The following MTAP variants were observed in gnomAD, a reference collection of about 807,000 sequenced individuals.
MTAP encodes the protein S-methyl-5'-thioadenosine phosphorylase.
In MTAP, 33 loss-of-function variants were observed where a neutral mutation model predicts 33.6. The observed-to-expected ratio is 0.98, with a 90% CI of 0.74 to 1.31. The LOEUF (loss-of-function observed/expected upper bound fraction) is 1.31. MTAP is among the 40% of genes most tolerant of loss of function. MTAP has a pLI of 0.00. For missense variants in MTAP, 367 were observed against 360.0 expected (o/e 1.02, Z -0.16); for synonymous variants, 148 against 125.7 (o/e 1.18, Z -1.19).
chr9:21,926,361 G>A (rs189820674), intron 1 of MTAP, among the ~76,000 whole-genome samples: 2,047 of 152,160 alleles, frequency 0.013, 51 homozygotes, highest in African/African-American at 0.047. Flanking sequence ...TGGAGCAATG[G>A]ACAATATAGG....
downstream of MTAP, among the ~76,000 whole-genome samples, chr9:21,871,972 T>C (rs1028727758): frequency 3.3e-5 from 5 of 152,166 alleles, no homozygotes; most frequent in African/African-American, 1.2e-4. Flanking sequence ...CTGAGGTAAT[T>C]CAGTAAAACC....
intron 1 of MTAP, among the ~76,000 whole-genome samples, chr9:21,909,315 G>A (rs144566077): frequency 3.3e-5 from 5 of 152,046 alleles, no homozygotes; most frequent in Non-Finnish European, 5.9e-5. Flanking sequence ...CCTTCCTGCC[G>A]TGAATAAGAC....
intron 1 of MTAP, among the ~76,000 whole-genome samples, chr9:21,814,651 G>C (rs1824432256): frequency 6.6e-6 from 1 of 152,012 alleles, no homozygotes; most frequent in Admixed American, 6.5e-5. Context: ...CTTTAACTCA[G>C]ACAAGGACTT....
At chr9:21,869,246 T>G (rs1026768591), downstream of MTAP, among the ~76,000 whole-genome samples, 1 of 152,160 alleles carries the variant, frequency 6.6e-6, no homozygotes, top group African/African-American at 2.4e-5. Flanking sequence ...TCCTTAGTCC[T>G]CTTCATTTCA....
At chr9:21,875,192 C>A (rs899388358) in intron 1 of MTAP, among the ~76,000 whole-genome samples, 6 of 152,082 alleles carry the variant, frequency 3.9e-5, no homozygotes, top group African/African-American at 7.2e-5. Context: ...GGTATATGCC[C>A]AGTAATGGGA....
intron 1 of MTAP, among the ~76,000 whole-genome samples, chr9:21,895,666 C>T (rs1449962833): frequency 6.6e-6 from 1 of 152,208 alleles, no homozygotes; most frequent in Non-Finnish European, 1.5e-5. Flanking sequence ...GGTTATATCC[C>T]ATGCCTAGCT....
chr9:21,840,150 T>A (rs796352431), intron 5 of MTAP, among the ~76,000 whole-genome samples: 2 of 151,278 alleles, frequency 1.3e-5, no homozygotes, highest in African/African-American at 4.9e-5. Flanking sequence ...CGCTTGAACC[T>A]GGGAGGCAGA....
At position 21,856,253 on chromosome 9, in the gene MTAP, T is replaced by C. The variant is rs1825640301; in HGVS notation, c.690+1383T>C. 13 of 820,264 alleles carry C rather than the reference T, an allele frequency of 1.6e-5. No homozygotes were observed. In the South Asian group the frequency reaches 6.1e-4, roughly 38 times the overall value. 50.8% of individuals were successfully genotyped at this position (820,264 alleles called of 1,614,324 possible). On this transcript the variant is annotated intron_variant, in intron 6 of 7. Coordinates refer to ENST00000644715, the MANE Select transcript of MTAP (RefSeq NM_002451.4). ...GTGACATCTCCAAAGAGGCCTAATA[T>C]TGTACCACCGTTTTAGAGAGTTTGT...
intron 4 of MTAP, among the ~76,000 whole-genome samples, chr9:21,824,836 A>T (rs775770174): frequency 1.3e-5 from 2 of 152,152 alleles, no homozygotes; most frequent in African/African-American, 4.8e-5. Context: ...GCCGCCTTGC[A>T]GTTTGATCTC....
intron 1 of MTAP, among the ~76,000 whole-genome samples, chr9:21,905,514 G>C (rs796488313): frequency 1.3e-5 from 2 of 152,088 alleles, no homozygotes; most frequent in South Asian, 4.1e-4. Flanking sequence ...TAAAATCACT[G>C]TCTTTTCCAG....
chr9:21,813,001 C>T (rs185829965), intron 1 of MTAP, among the ~76,000 whole-genome samples: 105 of 152,352 alleles, frequency 6.9e-4, no homozygotes, highest in Admixed American at 1.5e-3. Flanking sequence ...CACTGAAGCA[C>T]TTAGCACAGT....
At chr9:21,874,200 C>A (rs1825973788) in intron 1 of MTAP, among the ~76,000 whole-genome samples, 1 of 152,190 alleles carries the variant, frequency 6.6e-6, no homozygotes, top group South Asian at 2.1e-4. Context: ...TGCCACCCGG[C>A]TTCAAGAATT....
chr9:21,824,488 C>T (rs1183009504), intron 4 of MTAP, among the ~76,000 whole-genome samples: 1 of 152,116 alleles, frequency 6.6e-6, no homozygotes, highest in Admixed American at 6.6e-5. Context: ...GGTACCCAGC[C>T]GTGTGAGGTG....
At chr9:21,814,287 T>C (rs1481127925) in intron 1 of MTAP, among the ~76,000 whole-genome samples, 3 of 152,232 alleles carry the variant, frequency 2.0e-5, no homozygotes, top group Non-Finnish European at 2.9e-5. Context: ...ACTCAACTTG[T>C]GTAACCTGAC....
chr9:21,873,091 A>T (rs1361319293), intron 1 of MTAP, among the ~76,000 whole-genome samples: 1 of 152,164 alleles, frequency 6.6e-6, no homozygotes. Context: ...CAGAGGTGGG[A>T]GTTAATCAGG....
intron 1 of MTAP, chr9:21,930,601 C>G: frequency 2.7e-6 from 1 of 368,494 alleles, no homozygotes; most frequent in Non-Finnish European, 4.8e-6. Context: ...TGACCTATAG[C>G]CAACTCTGAA....
At chr9:21,917,131 T>G (rs1043245745) in intron 1 of MTAP, among the ~76,000 whole-genome samples, 1 of 152,200 alleles carries the variant, frequency 6.6e-6, no homozygotes, top group Non-Finnish European at 1.5e-5. Context: ...ATAAACTGAA[T>G]GAGGAAGGCT....
At chr9:21,892,464 G>T (rs769175021) in intron 1 of MTAP, 1 of 151,918 alleles carries the variant, frequency 6.6e-6, no homozygotes, top group East Asian at 1.9e-4. Flanking sequence ...GAAGAGTAGG[G>T]GTTGCTATTC....
intron 1 of MTAP, among the ~76,000 whole-genome samples, chr9:21,877,171 G>C (rs1387564610): frequency 6.6e-6 from 1 of 152,010 alleles, no homozygotes; most frequent in African/African-American, 2.4e-5. Flanking sequence ...GACTGTCATT[G>C]GTGTATAGGA....
Sources: gnomAD v4.1 joint callset for allele counts (sites outside exome capture counted in the v4.1 genomes callset) on GRCh38, gnomAD v4.1.1 for gene constraint, MANE v1.5 for transcripts, NCBI Gene and HGNC (gene_info 2026-07-23, HGNC 2026-07-21) for gene names.